The following POLR1D variants were observed in gnomAD, a reference collection of about 807,000 sequenced individuals.
The protein encoded by POLR1D is RNA polymerase I and III subunit D, also known as DNA-directed RNA polymerases I and III subunit RPAC2.
POLR1D carries 8 observed loss-of-function variants against 10.8 expected under a neutral mutation model. That is an observed-to-expected ratio of 0.74 (90% confidence interval 0.43 to 1.33). The LOEUF (loss-of-function observed/expected upper bound fraction) is 1.33, where lower values mean the gene tolerates loss of function less well. Ranked by LOEUF, POLR1D falls within the 40% of genes most tolerant of loss-of-function variation. POLR1D has a pLI of 0.01. For missense variants in POLR1D, 152 were observed against 161.7 expected (o/e 0.94, Z 0.32); for synonymous variants, 54 against 57.2 (o/e 0.94, Z 0.25).
intron 2 of POLR1D, among the ~76,000 whole-genome samples, chr13:27,659,792 C>T (rs189389533): frequency 2.0e-3 from 312 of 152,202 alleles, no homozygotes; most frequent in Middle Eastern, 0.014. Flanking sequence ...TGAACTTTGA[C>T]TTCCCCTACC....
intron 1 of POLR1D, among the ~76,000 whole-genome samples, chr13:27,635,752 T>A (rs888263162): frequency 3.2e-4 from 46 of 144,940 alleles, no homozygotes; most frequent in Admixed American, 9.1e-4. Flanking sequence ...ATATATAAAT[T>A]GTATTTAATC....
At chr13:27,629,973 G>A (rs767681222) in intron 1 of POLR1D, among the ~76,000 whole-genome samples, 3 of 152,050 alleles carry the variant, frequency 2.0e-5, no homozygotes, top group Non-Finnish European at 2.9e-5. Flanking sequence ...GTGCAGTGGC[G>A]CGATCTTGGC....
intron 1 of POLR1D, among the ~76,000 whole-genome samples, chr13:27,638,631 A>G (rs1956148004): frequency 6.6e-6 from 1 of 152,146 alleles, no homozygotes; most frequent in African/African-American, 2.4e-5. Flanking sequence ...CTTGTTTTCT[A>G]GCAGATTACT....
chr13:27,648,280 A>T, intron 1 of POLR1D: 1 of 823,594 alleles, frequency 1.2e-6, no homozygotes, highest in African/African-American at 1.7e-5. Context: ...TCATGCTTCA[A>T]AAGTTAGTTC....
intron 1 of POLR1D, among the ~76,000 whole-genome samples, chr13:27,640,686 A>G (rs1030844574): frequency 1.3e-5 from 2 of 151,968 alleles, no homozygotes; most frequent in African/African-American, 4.8e-5. Context: ...TATGTGGAAC[A>G]TACAAGAAAT....
At chr13:27,653,017 G>C (rs764328331) in intron 2 of POLR1D, among the ~76,000 whole-genome samples, 1 of 134,792 alleles carries the variant, frequency 7.4e-6, no homozygotes, top group Non-Finnish European at 1.5e-5. Context: ...CTCTGCCTCA[G>C]CCTCCCGAGT....
chr13:27,634,890 G>T (rs1379123975), intron 1 of POLR1D, among the ~76,000 whole-genome samples: 1 of 151,970 alleles, frequency 6.6e-6, no homozygotes, highest in Non-Finnish European at 1.5e-5. Flanking sequence ...GCCCAGCCTG[G>T]TCTCGAACTC....
downstream of POLR1D, among the ~76,000 whole-genome samples, chr13:27,627,192 AC>A: frequency 6.6e-6 from 1 of 151,686 alleles, no homozygotes. Context: ...AGACCCCCAA[AC>A]CCAGCCTTTT....
intron 1 of POLR1D, among the ~76,000 whole-genome samples, chr13:27,633,618 A>G (rs568143445): frequency 6.6e-6 from 1 of 152,326 alleles, no homozygotes; most frequent in East Asian, 1.9e-4. Context: ...CATTTTTATC[A>G]TGTTTGCTCC....
intron 2 of POLR1D, among the ~76,000 whole-genome samples, chr13:27,651,984 A>G (rs1956270900): frequency 6.6e-6 from 1 of 152,208 alleles, no homozygotes; most frequent in Non-Finnish European, 1.5e-5. Context: ...TGCTTTACAG[A>G]AATAAGGTGC....
chr13:27,623,371 A>C lies in POLR1D; in HGVS notation c.*121A>C. Reference sequence around the variant, plus strand: ...CTGTCCTTCAGAAAGGCGTGATTCTAGCTGTTGACCCCTTGCAGCTGTTGG... The same window carrying C: ...CTGTCCTTCAGAAAGGCGTGATTCTCGCTGTTGACCCCTTGCAGCTGTTGG... On this transcript the variant is annotated 3_prime_UTR_variant, in exon 2 of 2. Transcript: ENST00000302979. 1 of 1,536,930 alleles carries C rather than the reference A, an allele frequency of 6.5e-7. No homozygotes were observed. Among genetic ancestry groups the C allele is most frequent in the Non-Finnish European group, 8.8e-7 (1 of 1,142,472 alleles).
chr13:27,666,985 C>A (rs1956424357), exon 3 of POLR1D: 1 of 151,152 alleles, frequency 6.6e-6, no homozygotes, highest in South Asian at 2.1e-4. Context: ...AGATCATCAC[C>A]ATGCCACATC....
intron 1 of POLR1D, among the ~76,000 whole-genome samples, chr13:27,644,383 A>G (rs1392837928): frequency 6.6e-6 from 1 of 152,192 alleles, no homozygotes; most frequent in Non-Finnish European, 1.5e-5. Flanking sequence ...TTTGTACCAG[A>G]TTTGCATTCC....
At chr13:27,635,660 AATAG>A (rs1293812353) in intron 1 of POLR1D, among the ~76,000 whole-genome samples, 5 of 148,822 alleles carry the variant, frequency 3.4e-5, no homozygotes, top group South Asian at 4.2e-4. Flanking sequence ...AAAAATTCTT[AATAG>A]ATTTGTTCAG....
intron 2 of POLR1D, chr13:27,665,556 G>GT: frequency 1.2e-6 from 1 of 836,160 alleles, no homozygotes; most frequent in Non-Finnish European, 2.0e-6. Context: ...GGCATGCAAG[G>GT]AAAGCTAACA....
chr13:27,653,358 T>C (rs550122073), intron 2 of POLR1D, among the ~76,000 whole-genome samples: 3 of 152,148 alleles, frequency 2.0e-5, no homozygotes, highest in South Asian at 2.1e-4. Context: ...AGAGCAGATA[T>C]TGAGGGACAA....
chr13:27,629,991 A>G (rs1174849714), intron 1 of POLR1D, among the ~76,000 whole-genome samples: 1 of 152,126 alleles, frequency 6.6e-6, no homozygotes, highest in Non-Finnish European at 1.5e-5. Context: ...GGCTCACTGC[A>G]ACCTCCGCCT....
chr13:27,635,692 G>T (rs1246728746), intron 1 of POLR1D, among the ~76,000 whole-genome samples: 1 of 73,362 alleles, frequency 1.4e-5, no homozygotes, highest in African/African-American at 4.3e-5. Flanking sequence ...TAGTTACAAA[G>T]TAACTATATA....
intron 2 of POLR1D, chr13:27,665,430 A>G (rs537014732): frequency 6.3e-5 from 32 of 508,714 alleles, no homozygotes; most frequent in Non-Finnish European, 1.0e-4. Flanking sequence ...TATGAACTTC[A>G]GTAGGAAATT....
Sources: allele counts gnomAD v4.1 joint callset (sites outside exome capture counted in the v4.1 genomes callset), GRCh38; gene constraint gnomAD v4.1.1; transcripts MANE v1.5; gene names NCBI Gene and HGNC (gene_info 2026-07-23, HGNC 2026-07-21).